Variants in BTBD9 observed in about 807,000 individuals in gnomAD.
The protein encoded by BTBD9 is BTB domain containing 9, also known as BTB/POZ domain-containing protein 9.
A neutral mutation model predicts 64.3 loss-of-function variants in BTBD9; 49 were observed. That is an observed-to-expected ratio of 0.76 (90% CI 0.61 to 0.97). The LOEUF is 0.97. Ranked by LOEUF, BTBD9 falls within the 50% of genes least tolerant of loss-of-function variation. The pLI is 0.00. For missense variants in BTBD9, 598 were observed against 762.1 expected (o/e 0.78, Z 2.53); for synonymous variants, 260 against 274.7 (o/e 0.95, Z 0.53).
chr6:38,420,447 G>A (rs1457661871), intron 6 of BTBD9, among the ~76,000 whole-genome samples: 2 of 152,084 alleles, frequency 1.3e-5, no homozygotes, highest in Non-Finnish European at 2.9e-5. Context: ...CTTTGAGAAT[G>A]TTTCTCACTT....
chr6:38,348,861 G>A (rs967332884), intron 6 of BTBD9, among the ~76,000 whole-genome samples: 3 of 152,100 alleles, frequency 2.0e-5, no homozygotes, highest in African/African-American at 7.2e-5. Context: ...AATCAGGTTT[G>A]TTGCCCAGCT....
chr6:38,185,457 T>G (rs993261597), intron 10 of BTBD9, among the ~76,000 whole-genome samples: 17 of 152,202 alleles, frequency 1.1e-4, no homozygotes, highest in African/African-American at 3.4e-4. Flanking sequence ...TGCCGTCTAT[T>G]ATGCCTTTGT....
intron 9 of BTBD9, among the ~76,000 whole-genome samples, chr6:38,213,887 G>C (rs1762920336): frequency 6.6e-6 from 1 of 151,882 alleles, no homozygotes; most frequent in Non-Finnish European, 1.5e-5. Flanking sequence ...CTGGGACTGA[G>C]CTGGAGGCTG....
chr6:38,474,093 TA>T (rs1770772906), intron 6 of BTBD9, among the ~76,000 whole-genome samples: 1 of 152,206 alleles, frequency 6.6e-6, no homozygotes, highest in Non-Finnish European at 1.5e-5. Flanking sequence ...CATACTTCCA[TA>T]TAATGAGAAG....
At chr6:38,583,871 A>G (rs908356977) in intron 4 of BTBD9, among the ~76,000 whole-genome samples, 3 of 152,262 alleles carry the variant, frequency 2.0e-5, no homozygotes, top group Non-Finnish European at 4.4e-5. Flanking sequence ...GGATAAAAAT[A>G]TAACTCCAAG....
chr6:38,476,827 A>G (rs1770906241), intron 6 of BTBD9, among the ~76,000 whole-genome samples: 2 of 152,280 alleles, frequency 1.3e-5, no homozygotes, highest in Admixed American at 6.5e-5. Flanking sequence ...AAGAGCAAAC[A>G]GTTTTTCTAA....
In BTBD9 at chr6:38,280,011, T is replaced by A. The variant is rs114295761; in HGVS notation, c.1454+8261A>T. 4.4e-3 allele frequency among the ~76,000 whole-genome samples: 626 copies of A among 140,910 alleles called. 5 individuals are homozygous for A. The highest frequency in any genetic ancestry group is 0.016 in the African/African-American group (603 of 38,838). 92.4% of individuals were successfully genotyped at this position (140,910 alleles called of 152,430 possible). Reference sequence around the variant, plus strand: ...CACACACATGAACACACAAACATATTTTTTTTTTTGGCATTTAACTTTTCC... The same window carrying A: ...CACACACATGAACACACAAACATATATTTTTTTTTGGCATTTAACTTTTCC... On this transcript the variant is annotated intron_variant, in intron 8 of 10. Coordinates refer to ENST00000481247, the MANE Select transcript of BTBD9 (RefSeq NM_001099272.2).
chr6:38,358,120 C>G (rs752955040), intron 6 of BTBD9, among the ~76,000 whole-genome samples: 24 of 152,086 alleles, frequency 1.6e-4, no homozygotes, highest in African/African-American at 5.6e-4. Context: ...AACAGCTGCA[C>G]AGACAGCACT....
At chr6:38,557,822 CTCAG>C (rs1775097488) in intron 6 of BTBD9, among the ~76,000 whole-genome samples, 1 of 152,206 alleles carries the variant, frequency 6.6e-6, no homozygotes, top group Non-Finnish European at 1.5e-5. Flanking sequence ...TAGCTTCTTT[CTCAG>C]TGACAATGTA....
At chr6:38,628,397 A>G (rs141174515) in intron 1 of BTBD9, among the ~76,000 whole-genome samples, 95 of 152,330 alleles carry the variant, frequency 6.2e-4, no homozygotes, top group African/African-American at 2.1e-3. Flanking sequence ...GCTAACCTCT[A>G]GTTAGTGGGT....
At chr6:38,379,886 T>C (rs75945215) in intron 6 of BTBD9, among the ~76,000 whole-genome samples, 1 of 152,200 alleles carries the variant, frequency 6.6e-6, no homozygotes, top group Non-Finnish European at 1.5e-5. Context: ...CAAACAGTCA[T>C]CTATTGTCAT....
intron 6 of BTBD9, among the ~76,000 whole-genome samples, chr6:38,393,510 TAAA>T (rs145278111): frequency 1.4e-5 from 2 of 147,118 alleles, no homozygotes; most frequent in African/African-American, 4.9e-5. Flanking sequence ...CTTGGTCTAA[TAAA>T]AAAAAAAAAA....
chr6:38,464,510 T>C (rs941328301), intron 6 of BTBD9, among the ~76,000 whole-genome samples: 2 of 120,416 alleles, frequency 1.7e-5, no homozygotes, highest in Non-Finnish European at 3.6e-5. Context: ...CTTTTCTTTT[T>C]TTTGAGACAG....
intron 8 of BTBD9, among the ~76,000 whole-genome samples, chr6:38,273,077 G>A (rs1765248445): frequency 6.6e-6 from 1 of 152,150 alleles, no homozygotes; most frequent in South Asian, 2.1e-4. Context: ...AAACCCTAAT[G>A]CAAAGGGTGT....
intron 6 of BTBD9, among the ~76,000 whole-genome samples, chr6:38,563,931 G>A (rs544806542): frequency 5.9e-5 from 9 of 151,920 alleles, no homozygotes; most frequent in Middle Eastern, 3.4e-3. Context: ...ACAGGCGCCC[G>A]CCACCACGCC....
At chr6:38,437,628 C>G (rs561517208) in intron 6 of BTBD9, among the ~76,000 whole-genome samples, 10 of 152,220 alleles carry the variant, frequency 6.6e-5, no homozygotes, top group Non-Finnish European at 1.2e-4. Flanking sequence ...AATCTTATAC[C>G]CCAGACATAT....
chr6:38,206,724 A>G (rs1215615819), intron 9 of BTBD9, among the ~76,000 whole-genome samples: 2 of 152,236 alleles, frequency 1.3e-5, no homozygotes, highest in Non-Finnish European at 2.9e-5. Flanking sequence ...TGTACTTGCA[A>G]GGGCAGAGGG....
chr6:38,387,937 A>G (rs1281313104), intron 6 of BTBD9, among the ~76,000 whole-genome samples: 2 of 152,210 alleles, frequency 1.3e-5, no homozygotes, highest in Non-Finnish European at 2.9e-5. Context: ...AGAACTAGGT[A>G]GCATCAATTT....
At chr6:38,373,504 T>A (rs1384724054) in intron 6 of BTBD9, among the ~76,000 whole-genome samples, 1 of 152,174 alleles carries the variant, frequency 6.6e-6, no homozygotes, top group East Asian at 1.9e-4. Context: ...TCAGAAGGCA[T>A]TCTGCTATAC....
Sources: allele counts gnomAD v4.1 joint callset (sites outside exome capture counted in the v4.1 genomes callset), GRCh38; gene constraint gnomAD v4.1.1; transcripts MANE v1.5; gene names NCBI Gene and HGNC (gene_info 2026-07-23, HGNC 2026-07-21).